OSBPL1A: variants seen among roughly 807,000 people sequenced by gnomAD.
The protein encoded by OSBPL1A is oxysterol binding protein like 1A, also known as oxysterol-binding protein-related protein 1.
In OSBPL1A, 80 loss-of-function variants were observed where a neutral mutation model predicts 137.1. That is an observed-to-expected ratio of 0.58 (90% CI 0.49 to 0.70). OSBPL1A has a LOEUF of 0.70. Among genes scored for constraint, OSBPL1A ranks in the 30% least tolerant of loss-of-function variants. OSBPL1A has a pLI of 0.00. For missense variants in OSBPL1A, 970 were observed against 1,129.4 expected, an observed-to-expected ratio of 0.86 and a Z score of 2.02; for synonymous variants, 365 against 389.7, an observed-to-expected ratio of 0.94 and a Z score of 0.75.
intron 17 of OSBPL1A, among the ~76,000 whole-genome samples, chr18:24,198,312 G>C (rs1199374739): frequency 6.6e-6 from 1 of 152,116 alleles, no homozygotes; most frequent in Non-Finnish European, 1.5e-5. Context: ...AGAGACATTC[G>C]AGCTTTGTAA....
Position 24,311,973 on chromosome 18 carries a change from T to C in OSBPL1A, c.1092+11A>G, listed in dbSNP as rs893576113. 4 of 1,613,718 alleles carry C rather than the reference T, an allele frequency of 2.5e-6. No homozygotes were observed. The highest frequency in any genetic ancestry group is 1.3e-5 in the African/African-American group (1 of 74,918). Reference sequence around the variant, plus strand: ...ATAGCTATAAAGGTCAGGTTACATTTTCCTATTTACCTCTAATGATTTCTT... The same window carrying C: ...ATAGCTATAAAGGTCAGGTTACATTCTCCTATTTACCTCTAATGATTTCTT... On this transcript the variant is annotated intron_variant, in intron 13 of 27. Coordinates refer to ENST00000319481, the MANE Select transcript of OSBPL1A (RefSeq NM_080597.4).
intron 5 of OSBPL1A, among the ~76,000 whole-genome samples, chr18:24,337,138 A>C (rs2091188051): frequency 6.6e-6 from 1 of 152,150 alleles, no homozygotes; most frequent in Non-Finnish European, 1.5e-5. Flanking sequence ...TCTAATCACA[A>C]GAGAAAAACC....
At position 24,317,202 on chromosome 18, in the gene OSBPL1A, C is replaced by T; in HGVS notation, c.817G>A (p.Val273Ile). ...CATCCCTGGCGATAAATATTATGAACTGCATCAGGCCTTCAAAATAAAAAT... is the reference window on the plus strand; with the variant it reads ...CATCCCTGGCGATAAATATTATGAATTGCATCAGGCCTTCAAAATAAAAAT... ...LSWYRKQPDAVHNIYRQGCKH... is the reference protein window; with the variant it reads ...LSWYRKQPDAIHNIYRQGCKH... Residue 273 changes from valine to isoleucine, a missense_variant, in exon 11 of 28, where the codon GTT (valine) becomes ATT (isoleucine). Val to Ile is a conservative substitution (Grantham distance 29). Transcript: ENST00000319481. 6.2e-6 allele frequency: 10 copies of T among 1,613,766 alleles called. No homozygotes were observed. The highest frequency in any genetic ancestry group is 5.9e-6 in the Non-Finnish European group (7 of 1,179,850).
chr18:24,372,508 T>C (rs894404613), intron 2 of OSBPL1A, among the ~76,000 whole-genome samples: 1 of 152,184 alleles, frequency 6.6e-6, no homozygotes, highest in Non-Finnish European at 1.5e-5. Flanking sequence ...CCCTCCCACA[T>C]GTGTATTCAC....
chr18:24,343,523 A>C (rs1599691774), intron 4 of OSBPL1A, among the ~76,000 whole-genome samples: 1 of 152,170 alleles, frequency 6.6e-6, no homozygotes, highest in East Asian at 1.9e-4. Flanking sequence ...CCAAAATAAT[A>C]TTTAAAAGAA....
chr18:24,321,961 T>C (rs547960838), intron 7 of OSBPL1A, among the ~76,000 whole-genome samples: 9 of 152,036 alleles, frequency 5.9e-5, no homozygotes, highest in Non-Finnish European at 1.2e-4. Flanking sequence ...TTGTGTGCAA[T>C]ATGGCTTGTA....
intron 2 of OSBPL1A, among the ~76,000 whole-genome samples, chr18:24,373,459 A>G (rs1212231502): frequency 6.6e-6 from 1 of 152,230 alleles, no homozygotes; most frequent in African/African-American, 2.4e-5. Context: ...TTTTATTTGC[A>G]AGAATGACTC....
intron 17 of OSBPL1A, among the ~76,000 whole-genome samples, chr18:24,209,975 C>T (rs1017208743): frequency 6.6e-5 from 10 of 152,158 alleles, no homozygotes; most frequent in Non-Finnish European, 1.3e-4. Context: ...ACAAAACTCA[C>T]CAAATTTATA....
chr18:24,233,810 G>A (rs1265266673), intron 16 of OSBPL1A, among the ~76,000 whole-genome samples: 2 of 151,980 alleles, frequency 1.3e-5, no homozygotes, highest in Non-Finnish European at 2.9e-5. Flanking sequence ...CACCATGCCC[G>A]GATAAAGTCT....
At chr18:24,373,715 T>C (rs1905854789) in intron 2 of OSBPL1A, among the ~76,000 whole-genome samples, 1 of 152,116 alleles carries the variant, frequency 6.6e-6, no homozygotes. Flanking sequence ...ATTTTCCCAA[T>C]TTGTCATTAT....
At chr18:24,256,964 CAAAAAAAAAAAAAAAAA>C (rs201880387) in intron 15 of OSBPL1A, among the ~76,000 whole-genome samples, 1 of 29,498 alleles carries the variant, frequency 3.4e-5, no homozygotes, top group African/African-American at 9.9e-5. Flanking sequence ...GAAGAGGATG[CAAAAAAAAAAAAAAAAA>C]AAAAAAAAAA....
At chr18:24,325,848 T>C (rs1376544149) in intron 7 of OSBPL1A, among the ~76,000 whole-genome samples, 2 of 152,244 alleles carry the variant, frequency 1.3e-5, no homozygotes, top group East Asian at 3.8e-4. Flanking sequence ...TAAGAAGTCT[T>C]AGAAGAAATC....
At chr18:24,208,134 A>G (rs1250840364) in intron 17 of OSBPL1A, among the ~76,000 whole-genome samples, 5 of 152,242 alleles carry the variant, frequency 3.3e-5, no homozygotes, top group Admixed American at 1.3e-4. Flanking sequence ...ACTCAAAGCA[A>G]AATAGTCTTC....
chr18:24,183,407 A>C (rs1354360176), intron 18 of OSBPL1A, among the ~76,000 whole-genome samples: 1 of 151,392 alleles, frequency 6.6e-6, no homozygotes, highest in East Asian at 1.9e-4. Flanking sequence ...TTATATTCAC[A>C]CACAGAGAGA....
At chr18:24,308,125 T>A (rs2090542127) in intron 13 of OSBPL1A, among the ~76,000 whole-genome samples, 1 of 151,166 alleles carries the variant, frequency 6.6e-6, no homozygotes, top group Non-Finnish European at 1.5e-5. Context: ...TACTTTTTTT[T>A]TTTTTTTTGA....
chr18:24,304,126 G>GA (rs1025243891), intron 13 of OSBPL1A, among the ~76,000 whole-genome samples: 38 of 151,072 alleles, frequency 2.5e-4, no homozygotes, highest in Middle Eastern at 3.4e-3. Flanking sequence ...GTTTTGTTCA[G>GA]AAAAAAAAAT....
intron 15 of OSBPL1A, among the ~76,000 whole-genome samples, chr18:24,274,718 G>T (rs564026502): frequency 6.6e-6 from 1 of 152,230 alleles, no homozygotes; most frequent in South Asian, 2.1e-4. Context: ...GACCAGCCTG[G>T]TTAACACAGT....
chr18:24,184,375 T>C (rs767970416), intron 18 of OSBPL1A, among the ~76,000 whole-genome samples: 3 of 143,938 alleles, frequency 2.1e-5, no homozygotes, highest in Non-Finnish European at 4.4e-5. Flanking sequence ...AAACACGTAT[T>C]TAACTGAACA....
intron 16 of OSBPL1A, among the ~76,000 whole-genome samples, chr18:24,233,737 C>T (rs979484059): frequency 2.6e-5 from 4 of 152,174 alleles, no homozygotes; most frequent in African/African-American, 9.7e-5. Context: ...CAACCTCCGC[C>T]TCCCAGGTTC....
Sources: gnomAD v4.1 joint callset for allele counts (sites outside exome capture counted in the v4.1 genomes callset) on GRCh38, gnomAD v4.1.1 for gene constraint, MANE v1.5 for transcripts, NCBI Gene and HGNC (gene_info 2026-07-23, HGNC 2026-07-21) for gene names.